Variants in OSBPL6 observed in about 807,000 individuals in gnomAD.
OSBPL6 encodes the protein oxysterol binding protein like 6, also known as oxysterol-binding protein-related protein 6.
A neutral mutation model predicts 125.8 loss-of-function variants in OSBPL6; 49 were observed. The observed-to-expected ratio is 0.39, with a 90% CI of 0.31 to 0.49. The LOEUF (loss-of-function observed/expected upper bound fraction) is 0.49. Ranked by LOEUF, OSBPL6 falls within the 20% of genes least tolerant of loss-of-function variation. The pLI is 0.88. For missense variants in OSBPL6, 986 were observed against 1,135.4 expected, an observed-to-expected ratio of 0.87 and a Z score of 1.89; for synonymous variants, 394 against 391.8, an observed-to-expected ratio of 1.01 and a Z score of -0.07.
intron 2 of OSBPL6, among the ~76,000 whole-genome samples, chr2:178,291,376 C>G (rs771700452): frequency 2.0e-5 from 3 of 152,092 alleles, no homozygotes; most frequent in African/African-American, 4.8e-5. Flanking sequence ...TATTGAATGG[C>G]TTTGTTAGTG....
At chr2:178,197,262 T>G (rs2088956495) in intron 1 of OSBPL6, among the ~76,000 whole-genome samples, 1 of 152,260 alleles carries the variant, frequency 6.6e-6, no homozygotes. Context: ...CATGCACTTC[T>G]GTTTTGCATA....
At chr2:178,297,645 A>G (rs1685879601) in intron 2 of OSBPL6, among the ~76,000 whole-genome samples, 1 of 152,204 alleles carries the variant, frequency 6.6e-6, no homozygotes, top group African/African-American at 2.4e-5. Flanking sequence ...ATCTTACAGA[A>G]TCAAGTCAAA....
intron 2 of OSBPL6, among the ~76,000 whole-genome samples, chr2:178,300,405 G>C (rs763915513): frequency 6.6e-6 from 1 of 152,242 alleles, no homozygotes; most frequent in African/African-American, 2.4e-5. Flanking sequence ...GCTGTCAGAT[G>C]TATCTGCCAT....
At chr2:178,293,256 G>T (rs1685450745) in intron 2 of OSBPL6, among the ~76,000 whole-genome samples, 1 of 152,122 alleles carries the variant, frequency 6.6e-6, no homozygotes, top group Non-Finnish European at 1.5e-5. Context: ...GATTTACAAA[G>T]ATGAAGAAGC....
rs968001117 is a variant in OSBPL6, at chr2:178,306,206, A to G, written c.22A>G (p.Ile8Val). The change falls in exon 3 of 25, where the codon ATT becomes GTT. Residue 8 changes from isoleucine to valine, a missense_variant. Physicochemically the swap from Ile to Val is conservative, Grantham distance 29 (BLOSUM62 3). Coordinates refer to ENST00000190611, the MANE Select transcript of OSBPL6 (RefSeq NM_032523.4). MSSDEKG[I>V]SPAHKTSTPT... ...AGCGATGAGTTCAGATGAGAAGGGC[A>G]TTTCCCCTGCTCATAAAACATCCAC... 2 of 1,613,432 alleles carry G rather than the reference A, an allele frequency of 1.2e-6. No homozygotes were observed. The highest frequency in any genetic ancestry group is 1.3e-5 in the African/African-American group (1 of 74,878).
chr2:178,286,626 A>C (rs1684716862), intron 2 of OSBPL6, among the ~76,000 whole-genome samples: 1 of 152,098 alleles, frequency 6.6e-6, no homozygotes, highest in African/African-American at 2.4e-5. Flanking sequence ...TTTTTTCCAG[A>C]TGTGGAGGGT....
intron 3 of OSBPL6, among the ~76,000 whole-genome samples, chr2:178,321,234 T>A (rs979900330): frequency 6.6e-6 from 1 of 152,162 alleles, no homozygotes; most frequent in African/African-American, 2.4e-5. Context: ...CACTAAAAAA[T>A]TCCACACATT....
intron 1 of OSBPL6, among the ~76,000 whole-genome samples, chr2:178,225,936 T>C (rs2090542878): frequency 6.6e-6 from 1 of 152,134 alleles, no homozygotes; most frequent in South Asian, 2.1e-4. Flanking sequence ...AGATGGTGTA[T>C]CCTGAAGATT....
rs1223467105 is a variant in OSBPL6 at position 178,395,685 on chromosome 2, C to A, written c.*126C>A. ...AAAACCTACCATTTGCTTTTCTATT[C>A]ATCTTTATAATGGACTTTCAGAAGT... On this transcript the variant is annotated 3_prime_UTR_variant, in exon 25 of 25. Coordinates refer to ENST00000190611, the MANE Select transcript of OSBPL6 (RefSeq NM_032523.4). 1 of 581,944 alleles carries A rather than the reference C, an allele frequency of 1.7e-6. No individual in the cohort carries two copies. 36.0% of individuals were successfully genotyped at this position (581,944 alleles called of 1,614,324 possible).
At chr2:178,197,879 C>T (rs2088997993) in intron 1 of OSBPL6, among the ~76,000 whole-genome samples, 1 of 152,012 alleles carries the variant, frequency 6.6e-6, no homozygotes, top group South Asian at 2.1e-4. Context: ...GACAATAAGC[C>T]TACAAGATAT....
intron 1 of OSBPL6, among the ~76,000 whole-genome samples, chr2:178,242,686 T>C (rs2091338544): frequency 6.6e-6 from 1 of 152,200 alleles, no homozygotes; most frequent in Admixed American, 6.5e-5. Context: ...GCTGAATCAA[T>C]GGTTGATGCA....
intron 11 of OSBPL6, among the ~76,000 whole-genome samples, chr2:178,342,083 T>A (rs1033823718): frequency 6.6e-6 from 1 of 152,230 alleles, no homozygotes; most frequent in Admixed American, 6.5e-5. Flanking sequence ...AATGTTTTGA[T>A]CATGAGAATT....
At chr2:178,364,085 T>C (rs1405730719) in intron 13 of OSBPL6, among the ~76,000 whole-genome samples, 1 of 152,230 alleles carries the variant, frequency 6.6e-6, no homozygotes, top group Non-Finnish European at 1.5e-5. Flanking sequence ...CTGACAGTTC[T>C]TTCCTTTCTA....
intron 13 of OSBPL6, among the ~76,000 whole-genome samples, chr2:178,362,199 A>T (rs538529946): frequency 6.6e-6 from 1 of 152,224 alleles, no homozygotes; most frequent in Non-Finnish European, 1.5e-5. Context: ...TTAAAAATGT[A>T]CTAGATCTTC....
Position 178,385,476 on chromosome 2 carries a change from A to T in OSBPL6, c.2032A>T (p.Ile678Phe). The T allele has an allele frequency of 1.2e-6, 2 of 1,611,450 alleles. No individual in the cohort carries two copies. The highest frequency in any genetic ancestry group is 2.7e-5 in the African/African-American group (2 of 74,932). ...FSEQVSHHPPISACHCESKNF... is the reference protein window; with the variant it reads ...FSEQVSHHPPFSACHCESKNF... ...TTACCAGGTTAGCCATCATCCACCCATTTCTGCCTGTCACTGTGAATCAAA... is the reference window on the plus strand; with the variant it reads ...TTACCAGGTTAGCCATCATCCACCCTTTTCTGCCTGTCACTGTGAATCAAA... Residue 678 changes from isoleucine to phenylalanine, a missense_variant, in exon 19 of 25, where the codon ATT becomes TTT. Physicochemically the swap from Ile to Phe is conservative, Grantham distance 21 (BLOSUM62 0). This residue lies in a region of OSBPL6 where 843 missense variants were observed against 997.3 expected (regional missense o/e 0.85). Transcript: ENST00000190611.
rs778733714 is a variant in OSBPL6 at position 178,373,945 on chromosome 2, G to A, written c.1451G>A (p.Ser484Asn). 3.1e-6 allele frequency: 5 copies of A among 1,613,964 alleles called. No homozygotes were observed. In the African/African-American group the frequency reaches 6.7e-5, roughly 22 times the overall value. ...TTATCACAGCAAGTAGCCAATGAGA[G>A]CCGCCTCTCCATGTCAGAGTCTGTT... ...LPLSQQVANE[S>N]RLSMSESVSE... is the part of the protein sequence containing the mutation. The change falls in exon 15 of 25, where the codon AGC becomes AAC. Residue 484 changes from serine to asparagine, a missense_variant. Ser to Asn is a conservative substitution (Grantham distance 46). Transcript: ENST00000190611.
intron 1 of OSBPL6, among the ~76,000 whole-genome samples, chr2:178,277,299 G>A (rs114631376): frequency 0.011 from 1,692 of 152,276 alleles, 15 homozygotes; most frequent in Middle Eastern, 0.02. Context: ...TAAAATTGCA[G>A]ATTCCTTTAA....
At chr2:178,389,369 G>GA (rs1164671840) in intron 21 of OSBPL6, among the ~76,000 whole-genome samples, 1 of 151,452 alleles carries the variant, frequency 6.6e-6, no homozygotes, top group Non-Finnish European at 1.5e-5. Flanking sequence ...ATCTAAAACA[G>GA]AAAAAAAACA....
intron 2 of OSBPL6, among the ~76,000 whole-genome samples, 192 bp downstream of exon 2, chr2:178,285,313 G>A (rs1274666966): frequency 2.0e-5 from 3 of 151,976 alleles, no homozygotes; most frequent in South Asian, 4.2e-4. Flanking sequence ...TTTAAGGATA[G>A]GAAGTAGAAA....
Sources: gnomAD v4.1 joint callset for allele counts (sites outside exome capture counted in the v4.1 genomes callset) on GRCh38, gnomAD v4.1.1 for gene constraint, gnomAD v4.1.1 regional missense constraint, MANE v1.5 for transcripts, NCBI Gene and HGNC (gene_info 2026-07-23, HGNC 2026-07-21) for gene names.